PEX1: variants seen among roughly 807,000 people sequenced by gnomAD.
PEX1 encodes peroxisomal ATPase PEX1.
PEX1 carries 97 observed loss-of-function variants against 152.5 expected under a neutral mutation model. The observed-to-expected ratio is 0.64, with a 90% CI of 0.54 to 0.75. The LOEUF is 0.75. Ranked by LOEUF, PEX1 falls within the 30% of genes least tolerant of loss-of-function variation. The pLI, the probability that PEX1 is intolerant of heterozygous loss-of-function variation, is 0.00. For synonymous variants in PEX1, 485 were observed against 531.6 expected (o/e 0.91, Z 1.21); for missense variants, 1,357 against 1,516.3 (o/e 0.89, Z 1.74).
chr7:92,501,565 A>C lies in PEX1; in HGVS notation c.2525T>G (p.Ile842Ser). The change falls in exon 15 of 24, where the codon ATT (isoleucine) becomes AGT (serine). Residue 842 changes from isoleucine (I) to serine (S), a missense_variant. By Grantham distance (142) the Ile-to-Ser change is moderately radical (BLOSUM62 -2). Coordinates refer to ENST00000248633, the MANE Select transcript of PEX1 (RefSeq NM_000466.3). ...HKPRDLGWDKIGGLHEVRQIL... is the reference protein window; with the variant it reads ...HKPRDLGWDKSGGLHEVRQIL... ...CTGCCTAACTTCATGTAACCCACCA[A>C]TCTTGTCCCAACCCAGGTCTCTAGG... The C allele has an allele frequency of 6.2e-7, 1 of 1,613,882 alleles. No homozygotes were observed. Among genetic ancestry groups the C allele is most frequent in the Non-Finnish European group, 8.5e-7 (1 of 1,179,814 alleles).
At chr7:92,525,731 C>T (rs1489547178) in intron 1 of PEX1, among the ~76,000 whole-genome samples, 1 of 152,196 alleles carries the variant, frequency 6.6e-6, no homozygotes, top group Non-Finnish European at 1.5e-5. Flanking sequence ...TGACTTAAAG[C>T]ATCTACTGGG....
At chr7:92,497,257 G>A (rs1340237508) in intron 16 of PEX1, among the ~76,000 whole-genome samples, 1 of 152,146 alleles carries the variant, frequency 6.6e-6, no homozygotes, top group Non-Finnish European at 1.5e-5. Flanking sequence ...CAGAAACAGT[G>A]TCTGCCACAT....
At chr7:92,503,318 G>T in intron 12 of PEX1, 123 bp from the exon 13 acceptor site, 1 of 779,250 alleles carries the variant, frequency 1.3e-6, no homozygotes, top group Non-Finnish European at 2.1e-6. Flanking sequence ...GTATGGTATC[G>T]CTCTTTCATG....
At chr7:92,513,369 C>T (rs1301999936) in intron 6 of PEX1, among the ~76,000 whole-genome samples, 1 of 152,026 alleles carries the variant, frequency 6.6e-6, no homozygotes, top group Non-Finnish European at 1.5e-5. Context: ...GAATAGTATT[C>T]AGCCATGAAA....
intron 16 of PEX1, 82 bp from the exon 17 acceptor site, chr7:92,496,859 A>G (rs1791677541): frequency 1.2e-6 from 1 of 862,700 alleles, no homozygotes; most frequent in African/African-American, 1.7e-5. Flanking sequence ...TAAATGAATC[A>G]TGGAAATCTT....
At chr7:92,526,206 T>G (rs1473744661) in intron 1 of PEX1, among the ~76,000 whole-genome samples, 1 of 152,238 alleles carries the variant, frequency 6.6e-6, no homozygotes, top group Non-Finnish European at 1.5e-5. Flanking sequence ...TCAACTCTTT[T>G]GTGCATCCAA....
Position 92,528,419 on chromosome 7 carries a change from C to A in PEX1, c.17G>T (p.Arg6Leu), listed in dbSNP as rs1261327878. 1 of 1,595,024 alleles carries A rather than the reference C, an allele frequency of 6.3e-7. No homozygotes were observed. The highest frequency in any genetic ancestry group is 2.3e-5 in the East Asian group (1 of 44,044). ...CCCGCCTCCCCCAGCACCCGCCAGGCGATCGCTGCCCCACATCGTCCCGGA... is the reference window on the plus strand; with the variant it reads ...CCCGCCTCCCCCAGCACCCGCCAGGAGATCGCTGCCCCACATCGTCCCGGA... MWGSD[R>L]LAGAGGGGAA... Residue 6 changes from arginine to leucine, a missense_variant, in exon 1 of 24, where the codon CGC becomes CTC. Coordinates refer to ENST00000248633, the MANE Select transcript of PEX1 (RefSeq NM_000466.3).
At position 92,511,015 on chromosome 7, in the gene PEX1, A is replaced by G. The variant is rs778220793; in HGVS notation, c.1516T>C (p.Ser506Pro). 1.4e-5 allele frequency: 22 copies of G among 1,578,192 alleles called. No homozygotes were observed. The highest frequency in any genetic ancestry group is 1.9e-5 in the Non-Finnish European group (22 of 1,148,186). ...LKEFSLSIVH[S>P]WEKEKDKNIF... ...TTTTTATCTTTTTCTTTTTCCCAAG[A>G]ATGAACTATACTCAGAGAAAATTCC... The change falls in exon 8 of 24, where the codon TCT becomes CCT. Residue 506 changes from serine to proline, a missense_variant. By Grantham distance (74) the Ser-to-Pro change is moderately conservative. Coordinates refer to ENST00000248633, the MANE Select transcript of PEX1 (RefSeq NM_000466.3).
intron 15 of PEX1, among the ~76,000 whole-genome samples, chr7:92,500,402 C>T (rs143132570): frequency 2.2e-4 from 33 of 152,246 alleles, no homozygotes; most frequent in African/African-American, 7.7e-4. Flanking sequence ...TATTTAGTTC[C>T]CTCTATTGAG....
Position 92,518,250 on chromosome 7 carries a change from C to A in PEX1, c.363G>T (p.Leu121=), listed in dbSNP as rs200866361. 3.1e-6 allele frequency: 5 copies of A among 1,590,134 alleles called. No homozygotes were observed. In the Admixed American group the frequency reaches 5.0e-5, roughly 16 times the overall value. ...LSADDWEILE[L]HAVSLEQHLL... ...GATGTTGTTCAAGGGAAACAGCATG[C>A]AGCTCCTAGAACCAACAGACGAAAA... The change falls in exon 4 of 24, where the codon CTG becomes CTT. Residue 121 remains leucine, a synonymous_variant. Coordinates refer to ENST00000248633, the MANE Select transcript of PEX1 (RefSeq NM_000466.3).
intron 1 of PEX1, among the ~76,000 whole-genome samples, chr7:92,522,738 T>C (rs932367113): frequency 3.9e-5 from 6 of 152,196 alleles, no homozygotes; most frequent in Non-Finnish European, 8.8e-5. Context: ...ACACATATCA[T>C]CTTTAAAAAT....
chr7:92,509,199 A>G (rs1036894863), intron 9 of PEX1, 130 bp downstream of exon 9: 53 of 689,658 alleles, frequency 7.7e-5, no homozygotes, highest in Middle Eastern at 3.7e-4. Flanking sequence ...ATCCTTGAAA[A>G]AATATCTACT....
In PEX1 at chr7:92,494,402, G is replaced by A. The variant is rs770779494; in HGVS notation, c.2927-6C>T. 1.5e-5 allele frequency: 25 copies of A among 1,613,272 alleles called. No homozygotes were observed. The South Asian group carries it at 2.0e-4, about 13-fold the overall frequency. ...AGCAGCCAATACATAAACACCTAGA[G>A]GAAAAAAGAACATTTTTTTACCAAA... On this transcript the variant is annotated splice_polypyrimidine_tract_variant and splice_region_variant and intron_variant, in intron 18 of 23. Coordinates refer to ENST00000248633, the MANE Select transcript of PEX1 (RefSeq NM_000466.3).
intron 1 of PEX1, among the ~76,000 whole-genome samples, chr7:92,525,808 A>C (rs1793241506): frequency 6.6e-6 from 1 of 152,254 alleles, no homozygotes; most frequent in South Asian, 2.1e-4. Context: ...AGTACAGAGT[A>C]TATCAAATGT....
intron 6 of PEX1, among the ~76,000 whole-genome samples, chr7:92,511,989 C>T (rs188719253): frequency 4.3e-4 from 65 of 152,344 alleles, no homozygotes; most frequent in African/African-American, 1.5e-3. Flanking sequence ...ATAACCATTC[C>T]AACCCCATTC....
chr7:92,520,667 C>T (rs1793009354), intron 2 of PEX1, among the ~76,000 whole-genome samples: 1 of 152,232 alleles, frequency 6.6e-6, no homozygotes, highest in Non-Finnish European at 1.5e-5. Context: ...AGCCAGTCCA[C>T]TTTCTGTTCC....
At chr7:92,510,391 G>C (rs1792404087) in intron 8 of PEX1, among the ~76,000 whole-genome samples, 1 of 146,846 alleles carries the variant, frequency 6.8e-6, no homozygotes, top group Non-Finnish European at 1.5e-5. Context: ...ACCTGAGCCT[G>C]GGAGGTCGAG....
chr7:92,515,037 A>T (rs1339819893), intron 5 of PEX1, among the ~76,000 whole-genome samples: 1 of 137,534 alleles, frequency 7.3e-6, no homozygotes, highest in African/African-American at 2.7e-5. Context: ...ACAGAGTGAG[A>T]CTCCGTCTCA....
intron 16 of PEX1, among the ~76,000 whole-genome samples, chr7:92,497,145 G>A (rs999553643): frequency 2.6e-5 from 4 of 152,090 alleles, no homozygotes; most frequent in Admixed American, 2.6e-4. Flanking sequence ...CCATCTGACA[G>A]TGAATTATAT....
Sources: gnomAD v4.1 joint callset for allele counts (sites outside exome capture counted in the v4.1 genomes callset) on GRCh38, gnomAD v4.1.1 for gene constraint, MANE v1.5 for transcripts, NCBI Gene and HGNC (gene_info 2026-07-23, HGNC 2026-07-21) for gene names.